The following CHD4 variants were observed in gnomAD, a reference collection of about 807,000 sequenced individuals.
The protein encoded by CHD4 is ATP-dependent chromatin remodeler CHD4.
Under a neutral mutation model 235.5 loss-of-function variants are expected in CHD4, and 35 were observed. The observed-to-expected ratio is 0.15, with a 90% CI of 0.11 to 0.20. CHD4 has a LOEUF of 0.20. Among genes scored for constraint, CHD4 ranks in the 10% least tolerant of loss-of-function variants. The probability of loss-of-function intolerance (pLI) is 1.00; values close to 1 mark genes in which losing one functional copy is unlikely to be tolerated. For synonymous variants in CHD4, 900 were observed against 850.2 expected (o/e 1.06, Z -1.02); for missense variants, 1,329 against 2,432.3 (o/e 0.55, Z 9.54).
rs753373346 is a variant in CHD4, at chr12:6,578,449, T to C, written c.5079A>G (p.Lys1693=). The C allele has an allele frequency of 1.2e-5, 19 of 1,614,096 alleles. No homozygotes were observed. The highest frequency in any genetic ancestry group is 1.6e-4 in the Middle Eastern group (1 of 6,062). The change falls in exon 35 of 40, where the codon AAA becomes AAG. Residue 1693 remains lysine, a synonymous_variant. Transcript: ENST00000544040. The stretch of plus-strand genomic sequence containing the variant: ...CTGCAATGTTAAACATGAAACGTTG[T>C]TTAATATTTTTCTTCTGTTTCTCAT... The part of the protein sequence containing the change: ...LNDEKQKKNI[K]QRFMFNIADG...
intron 22 of CHD4, chr12:6,591,248 TTTC>T (rs1948394864): frequency 6.0e-6 from 3 of 502,752 alleles, no homozygotes; most frequent in Non-Finnish European, 1.0e-5. Context: ...GATACAATGC[TTTC>T]TTCTTTCTAG....
Position 6,586,401 on chromosome 12 carries a change from A to AAAAT in CHD4, c.3879+979_3879+982dup, listed in dbSNP as rs750264299. On this transcript the variant is annotated intron_variant, in intron 25 of 39. Coordinates refer to ENST00000544040, the MANE Select transcript of CHD4 (RefSeq NM_001273.5). ...GGGGGAGAGAGTGAGATTCCATCTC[A>AAAAT]AAATAAATAAATAAATACATACATA... Among the ~76,000 whole-genome samples, 44 of 151,972 alleles carry AAAAT rather than the reference A, an allele frequency of 2.9e-4. 1 individual carries two copies. The South Asian group carries it at 3.5e-3, about 12-fold the overall frequency.
At position 6,570,598 on chromosome 12, in the gene CHD4, C is replaced by G; in HGVS notation, c.*78G>C. 1 of 1,559,750 alleles carries G rather than the reference C, an allele frequency of 6.4e-7. No homozygotes were observed. The highest frequency in any genetic ancestry group is 8.8e-7 in the Non-Finnish European group (1 of 1,131,876). On this transcript the variant is annotated 3_prime_UTR_variant, in exon 40 of 40. Transcript: ENST00000544040. ...AGAAGGAAGGTGAGGGTCTCTCAGG[C>G]CCCCAGGGGAGAAGCTGGGACAAGA...
intron 10 of CHD4, among the ~76,000 whole-genome samples, chr12:6,599,229 C>T (rs949291152): frequency 5.3e-5 from 8 of 152,012 alleles, no homozygotes; most frequent in Non-Finnish European, 1.0e-4. Context: ...ACCAGGAATT[C>T]AAGACCAGCC....
rs1948437103 is a variant in CHD4 at position 6,593,608 on chromosome 12, G to C, written c.2322C>G (p.Ser774=). 1.2e-6 allele frequency: 2 copies of C among 1,613,946 alleles called. No individual in the cohort carries two copies. Among genetic ancestry groups the C allele is most frequent in the African/African-American group, 1.3e-5 (1 of 74,888 alleles). Residue 774 remains serine (S), a synonymous_variant, in exon 16 of 40, where the codon TCC becomes TCG. Coordinates refer to ENST00000544040, the MANE Select transcript of CHD4 (RefSeq NM_001273.5). This position sits in a 1 kb window ranked among gnomAD's most constrained non-coding sequence, Gnocchi z 4.9. ...GGGCGCTCACTAGGAAGGGGCCTTTGGAATGACCCTTTGAGAAAAAAGAGG... is the reference window on the plus strand; with the variant it reads ...GGGCGCTCACTAGGAAGGGGCCTTTCGAATGACCCTTTGAGAAAAAAGAGG... ...FLYSLYKEGH[S]KGPFLVSAPL...
In CHD4 at chr12:6,577,607, G is replaced by C. The variant is rs1225969319; in HGVS notation, c.5361+178C>G. The C allele has an allele frequency of 9.2e-6, 7 of 757,842 alleles. No individual in the cohort carries two copies. In the Admixed American group the frequency reaches 1.9e-4, roughly 20 times the overall value. 46.9% of individuals were successfully genotyped at this position (757,842 alleles called of 1,614,324 possible). On this transcript the variant is annotated intron_variant, in intron 37 of 39. Transcript: ENST00000544040. The stretch of plus-strand genomic sequence containing the variant: ...GTCACCTACAGCTCATGTACAGTTA[G>C]TTAACTTTCAATTCTGTGTGTCTTC...
chr12:6,580,956 A>G, intron 33 of CHD4, 88 bp downstream of exon 33: 1 of 1,487,720 alleles, frequency 6.7e-7, no homozygotes. Flanking sequence ...GCAGTAAGCC[A>G]AGATCGCGCC....
Position 6,582,716 on chromosome 12 carries a change from G to C in CHD4, c.4269C>G (p.Ala1423=), listed in dbSNP as rs995999679. ...VLGFNARQRK[A]FLNAIMRYGM... Reference sequence around the variant, plus strand: ...CATATCGCATAATTGCATTAAGAAAGGCTTTTCGCTGACGAGCATTAAAAC... The same window carrying C: ...CATATCGCATAATTGCATTAAGAAACGCTTTTCGCTGACGAGCATTAAAAC... Residue 1423 remains alanine (A), a synonymous_variant, in exon 29 of 40, where the codon GCC becomes GCG. Transcript: ENST00000544040. The C allele has an allele frequency of 3.7e-6, 6 of 1,614,004 alleles. No individual in the cohort carries two copies. The highest frequency in any genetic ancestry group is 5.1e-6 in the Non-Finnish European group (6 of 1,180,050).
chr12:6,600,520 G>C lies in CHD4; in HGVS notation c.1063+14C>G. 1 of 1,589,326 alleles carries C rather than the reference G, an allele frequency of 6.3e-7. No individual in the cohort carries two copies. Among genetic ancestry groups the C allele is most frequent in the Non-Finnish European group, 8.5e-7 (1 of 1,170,130 alleles). On this transcript the variant is annotated intron_variant, in intron 8 of 39. Transcript: ENST00000544040. The stretch of plus-strand genomic sequence containing the variant: ...CACCTCATCCCATCACAAATATACA[G>C]AAGAGAAACACACCTTTCTTTTTCT...
chr12:6,584,494 G>T (rs1948247831), intron 25 of CHD4: 1 of 152,124 alleles, frequency 6.6e-6, no homozygotes, highest in South Asian at 2.1e-4. Context: ...CGACTGCCAA[G>T]TTTAAGCAAT....
chr12:6,599,653 A>G (rs1948556572), intron 10 of CHD4, 120 bp downstream of exon 10: 1 of 1,246,778 alleles, frequency 8.0e-7, no homozygotes, highest in South Asian at 1.4e-5. Flanking sequence ...GATGAAGGAG[A>G]ATACCTTTCT....
chr12:6,573,508 C>A, intron 37 of CHD4: 2 of 306,170 alleles, frequency 6.5e-6, no homozygotes, highest in East Asian at 5.5e-5. Flanking sequence ...TATACAAAAG[C>A]GATAAAAACT....
At position 6,570,542 on chromosome 12, in the gene CHD4, G is replaced by C. The variant is rs2136188784; in HGVS notation, c.*134C>G. The C allele has an allele frequency of 1.8e-6, 2 of 1,084,394 alleles. No individual in the cohort carries two copies. The highest frequency in any genetic ancestry group is 2.8e-5 in the South Asian group (2 of 70,704). 67.2% of individuals were successfully genotyped at this position (1,084,394 alleles called of 1,614,324 possible). A position where few individuals can be genotyped will look rare whatever the true frequency, so the allele number is the denominator to read the frequency against. On this transcript the variant is annotated 3_prime_UTR_variant, in exon 40 of 40. Transcript: ENST00000544040. ...CTCCCTCCCCTCCCCCAGTGCACTGGGGCTGTTCCTTTACAACATGGAAGA... is the reference window on the plus strand; with the variant it reads ...CTCCCTCCCCTCCCCCAGTGCACTGCGGCTGTTCCTTTACAACATGGAAGA...
At chr12:6,600,141 T>C in intron 9 of CHD4, 76 bp downstream of exon 9, 2 of 1,536,822 alleles carry the variant, frequency 1.3e-6, no homozygotes, top group Middle Eastern at 1.8e-4. Context: ...TCCATTTCCA[T>C]CCAGGCCCCG....
chr12:6,596,592 G>C (rs1412869914), intron 12 of CHD4, among the ~76,000 whole-genome samples: 1 of 152,068 alleles, frequency 6.6e-6, no homozygotes, highest in Non-Finnish European at 1.5e-5. Flanking sequence ...CTGAGGTCGG[G>C]AGTTCAAGAC....
chr12:6,601,887 G>A (rs1324549167), intron 4 of CHD4, 73 bp downstream of exon 4: 3 of 1,564,722 alleles, frequency 1.9e-6, no homozygotes, highest in Non-Finnish European at 1.8e-6. Flanking sequence ...GTGTTCTAAA[G>A]GGCAGTAAGG....
At chr12:6,589,711 C>A (rs1948358164) in intron 22 of CHD4, among the ~76,000 whole-genome samples, 2 of 149,542 alleles carry the variant, frequency 1.3e-5, no homozygotes, top group South Asian at 4.2e-4. Context: ...AGGTTGCAGT[C>A]AGCCAAAATC....
rs1334986928 is a variant in CHD4 at position 6,578,010 on chromosome 12, A to G, written c.5228+19T>C. The G allele has an allele frequency of 2.5e-6, 4 of 1,611,876 alleles. No homozygotes were observed. In the African/African-American group the frequency reaches 4.0e-5, roughly 16 times the overall value. ...AACCTTTCACCAAAAGCCTCAGTAC[A>G]GATTCAGGCAAAGGATACTTTATAA... is the stretch of plus-strand genomic sequence containing the variant. On this transcript the variant is annotated intron_variant, in intron 36 of 39. Transcript: ENST00000544040.
In CHD4 at chr12:6,573,013, A is replaced by G. The variant is rs1306460467; in HGVS notation, c.5557+61T>C. The G allele has an allele frequency of 3.4e-6, 5 of 1,491,438 alleles. No homozygotes were observed. In the African/African-American group the frequency reaches 5.8e-5, roughly 17 times the overall value. The allele number at this position is 1,491,438 out of a possible 1,614,324, so 92.4% of individuals were successfully genotyped here. A position where few individuals can be genotyped will look rare whatever the true frequency, so the allele number is the denominator to read the frequency against. ...AAAGTTTGAAAACAAATATATGTAC[A>G]TTAGGATGCAGTCAGATCAGGGAGG... On this transcript the variant is annotated intron_variant, in intron 38 of 39. Transcript: ENST00000544040.
Sources: allele counts gnomAD v4.1 joint callset (sites outside exome capture counted in the v4.1 genomes callset), GRCh38; gene constraint gnomAD v4.1.1; non-coding constraint Gnocchi (gnomAD v3.1); transcripts MANE v1.5; gene names NCBI Gene and HGNC (gene_info 2026-07-23, HGNC 2026-07-21).